Variants in CHLSN observed in about 807,000 individuals in gnomAD.
CHLSN encodes protein cholesin.
chr7:1,108,895 ATTTTT>A, the CHLSN span, among the ~76,000 whole-genome samples: 1 of 129,506 alleles, frequency 7.7e-6, no homozygotes, highest in Non-Finnish European at 1.6e-5. Flanking sequence ...TCTCCCAGGC[ATTTTT>A]TTTTTTTTTT....
the CHLSN span, among the ~76,000 whole-genome samples, chr7:1,108,936 G>A: frequency 1.4e-5 from 2 of 139,106 alleles, no homozygotes; most frequent in African/African-American, 5.6e-5. Flanking sequence ...TCGCTCTGTC[G>A]CCCAGGCTGG....
At chr7:1,097,376 G>A in the CHLSN span, among the ~76,000 whole-genome samples, 3 of 152,192 alleles carry the variant, frequency 2.0e-5, no homozygotes, top group South Asian at 2.1e-4. This position sits in a 1 kb window ranked among gnomAD's most constrained non-coding sequence, Gnocchi z 4.3. Context: ...CGGTGTCCTC[G>A]CCAAAGCTGG....
At chr7:1,119,243 ATC>A in the CHLSN span, among the ~76,000 whole-genome samples, 2 of 152,100 alleles carry the variant, frequency 1.3e-5, no homozygotes, top group Admixed American at 1.3e-4. Flanking sequence ...ATGAAACTGT[ATC>A]TCCACCTTGC....
At chr7:1,031,397 G>GC in the CHLSN span, among the ~76,000 whole-genome samples, 1 of 137,208 alleles carries the variant, frequency 7.3e-6, no homozygotes, top group Non-Finnish European at 1.6e-5. Flanking sequence ...GGTCCGGGGG[G>GC]GCAGAGACCT....
the CHLSN span, among the ~76,000 whole-genome samples, chr7:1,016,677 G>T: frequency 1.2e-5 from 1 of 82,542 alleles, no homozygotes; most frequent in Non-Finnish European, 2.2e-5. Flanking sequence ...AGCAGCACAC[G>T]CCAGGGCACA....
chr7:1,056,041 G>A, the CHLSN span: 1 of 153,440 alleles, frequency 6.5e-6, no homozygotes, highest in East Asian at 1.9e-4. Flanking sequence ...GCAGCAGGAG[G>A]GGAGAAGCCC....
the CHLSN span, among the ~76,000 whole-genome samples, chr7:1,130,356 T>C: frequency 6.6e-6 from 1 of 152,256 alleles, no homozygotes; most frequent in South Asian, 2.1e-4. Context: ...TGCTGGTGGC[T>C]GTGGCCAGGA....
chr7:1,078,677 G>C, the CHLSN span, among the ~76,000 whole-genome samples: 1 of 152,236 alleles, frequency 6.6e-6, no homozygotes, highest in African/African-American at 2.4e-5. Context: ...AGGATCACAG[G>C]CTGGCCCAGT....
At chr7:1,072,821 T>C in the CHLSN span, among the ~76,000 whole-genome samples, 1 of 151,946 alleles carries the variant, frequency 6.6e-6, no homozygotes, top group South Asian at 2.1e-4. Flanking sequence ...GTAGCTAGGA[T>C]TACAGGCGTG....
the CHLSN span, among the ~76,000 whole-genome samples, chr7:1,044,411 C>G: frequency 0.01 from 1,576 of 152,334 alleles, 25 homozygotes; most frequent in African/African-American, 0.031. Flanking sequence ...CCACCGCCCC[C>G]CAACCTCACT....
chr7:1,136,863 TA>T, the CHLSN span, among the ~76,000 whole-genome samples: 1 of 151,954 alleles, frequency 6.6e-6, no homozygotes, highest in Non-Finnish European at 1.5e-5. Context: ...GGTCCATCCA[TA>T]AATCCTCTCT....
the CHLSN span, among the ~76,000 whole-genome samples, chr7:1,112,059 T>G: frequency 5.3e-4 from 81 of 152,312 alleles, 1 homozygote; most frequent in African/African-American, 1.9e-3. Flanking sequence ...TTTTTTAAAA[T>G]TACATTTTGC....
chr7:984,317 T>C, the CHLSN span: 4 of 1,467,354 alleles, frequency 2.7e-6, no homozygotes, highest in East Asian at 2.5e-5. Flanking sequence ...TTTCCCTCTG[T>C]CCCCACCCCT....
At chr7:1,102,398 G>A in the CHLSN span, among the ~76,000 whole-genome samples, 79 of 152,300 alleles carry the variant, frequency 5.2e-4, no homozygotes, top group Non-Finnish European at 9.8e-4. Flanking sequence ...GGGAAAAGTC[G>A]GCGTCTGCAG....
At chr7:1,090,315 G>A in the CHLSN span, among the ~76,000 whole-genome samples, 2 of 152,242 alleles carry the variant, frequency 1.3e-5, no homozygotes, top group African/African-American at 4.8e-5. Context: ...GACTGCCAGT[G>A]TCTGCAGGCT....
chr7:1,053,542 A>G, the CHLSN span, among the ~76,000 whole-genome samples: 2 of 151,820 alleles, frequency 1.3e-5, no homozygotes, highest in Admixed American at 1.3e-4. Flanking sequence ...CAAAATGTAC[A>G]CCTCGCTGGG....
chr7:997,613 G>T, the CHLSN span: 3 of 1,580,100 alleles, frequency 1.9e-6, no homozygotes, highest in African/African-American at 1.4e-5. Flanking sequence ...GCCCCGCCCC[G>T]CGCTGAACCC....
At chr7:1,041,799 C>A in the CHLSN span, among the ~76,000 whole-genome samples, 2 of 152,078 alleles carry the variant, frequency 1.3e-5, no homozygotes, top group Non-Finnish European at 2.9e-5. Flanking sequence ...CCACCACTCC[C>A]CGCCCCCCCG....
the CHLSN span, among the ~76,000 whole-genome samples, chr7:978,979 C>G: frequency 3.3e-5 from 5 of 152,238 alleles, no homozygotes; most frequent in South Asian, 8.3e-4. Flanking sequence ...GTTCCGTGGG[C>G]CTGGGTTCCC....
Sources: gnomAD v4.1 joint callset for allele counts (sites outside exome capture counted in the v4.1 genomes callset) on GRCh38, gnomAD v4.1.1 for gene constraint, Gnocchi (gnomAD v3.1) non-coding constraint, MANE v1.5 for transcripts, NCBI Gene and HGNC (gene_info 2026-07-23, HGNC 2026-07-21) for gene names.